The following BMPR1A variants were observed in gnomAD, a reference collection of about 807,000 sequenced individuals.
BMPR1A encodes bone morphogenetic protein receptor type-1A.
Under a neutral mutation model 66.0 loss-of-function variants are expected in BMPR1A, and 7 were observed. The observed-to-expected ratio is 0.11, with a 90% CI of 0.06 to 0.20. BMPR1A has a LOEUF of 0.20. BMPR1A is among the 10% of genes least tolerant of loss of function. The probability of loss-of-function intolerance (pLI) is 1.00; values close to 1 mark genes in which losing one functional copy is unlikely to be tolerated. For synonymous variants in BMPR1A, 200 were observed against 229.7 expected (o/e 0.87, Z 1.17); for missense variants, 408 against 669.1 (o/e 0.61, Z 4.31).
At chr10:86,815,644 CA>C (rs1842027198) in intron 1 of BMPR1A, among the ~76,000 whole-genome samples, 1 of 152,168 alleles carries the variant, frequency 6.6e-6, no homozygotes, top group African/African-American at 2.4e-5. Context: ...GAGTTCAGGC[CA>C]AACACTGGTT....
Position 86,878,928 on chromosome 10 carries a change from A to G in BMPR1A, c.67+2843A>G, listed in dbSNP as rs542816225. Among the ~76,000 whole-genome samples the G allele has an allele frequency of 7.9e-5, 12 of 152,294 alleles. No homozygotes were observed. In the South Asian group the frequency reaches 2.1e-3, roughly 26 times the overall value. On this transcript the variant is annotated intron_variant, in intron 3 of 12. Coordinates refer to ENST00000372037, the MANE Select transcript of BMPR1A (RefSeq NM_004329.3). Reference sequence around the variant, plus strand: ...GGACAATTAAAAGGATCTGGGAGAGATTTAATTTTTTCCATCAATTAGAAT... The same window carrying G: ...GGACAATTAAAAGGATCTGGGAGAGGTTTAATTTTTTCCATCAATTAGAAT...
At chr10:86,916,947 C>T (rs1215223143) in intron 8 of BMPR1A, among the ~76,000 whole-genome samples, 187 bp from the exon 9 acceptor site, 3 of 151,678 alleles carry the variant, frequency 2.0e-5, no homozygotes, top group East Asian at 3.9e-4. Context: ...GAGCCGAGAT[C>T]GCGCCACTGC....
intron 1 of BMPR1A, among the ~76,000 whole-genome samples, chr10:86,797,169 A>G (rs1355601426): frequency 2.1e-5 from 3 of 146,290 alleles, no homozygotes; most frequent in Non-Finnish European, 4.5e-5. Flanking sequence ...AGTTCAAGCA[A>G]TTCTCCTGCC....
intron 10 of BMPR1A, among the ~76,000 whole-genome samples, chr10:86,920,856 CTTT>C (rs397774280): frequency 8.2e-5 from 10 of 122,204 alleles, no homozygotes; most frequent in African/African-American, 2.2e-4. Context: ...CTTTTCTTTT[CTTT>C]TTTTTTTTTT....
intron 1 of BMPR1A, among the ~76,000 whole-genome samples, chr10:86,777,537 G>T (rs1173976262): frequency 1.3e-5 from 2 of 151,864 alleles, no homozygotes; most frequent in Non-Finnish European, 2.9e-5. Flanking sequence ...AGCTGTCATT[G>T]CACCACTGTA....
At chr10:86,905,517 G>A (rs1843372356) in intron 7 of BMPR1A, among the ~76,000 whole-genome samples, 1 of 152,112 alleles carries the variant, frequency 6.6e-6, no homozygotes, top group African/African-American at 2.4e-5. Flanking sequence ...CAACTGGCTG[G>A]CTGTTTAAAT....
rs181768349 is a variant in BMPR1A, at chr10:86,763,741, T to C, written c.-268+6822T>C. The stretch of plus-strand genomic sequence containing the variant: ...GTAAAGTATCAAAATGTTGAGAAGA[T>C]AGACTCTCAATTTTGAAGGTGAGAA... On this transcript the variant is annotated intron_variant, in intron 1 of 12. Transcript: ENST00000372037. Among the ~76,000 whole-genome samples the C allele has an allele frequency of 0.01, 1,531 of 151,988 alleles. 15 individuals carry two copies. Among genetic ancestry groups the C allele is most frequent in the Non-Finnish European group, 0.016 (1,116 of 67,992 alleles).
intron 1 of BMPR1A, among the ~76,000 whole-genome samples, chr10:86,820,023 C>T (rs1168466161): frequency 6.6e-6 from 1 of 152,066 alleles, no homozygotes; most frequent in African/African-American, 2.4e-5. Context: ...TACCTAATAC[C>T]ACATTTTTAG....
rs760739609 is a variant in BMPR1A at position 86,899,887 on chromosome 10, A to G, written c.427A>G (p.Ile143Val). The G allele has an allele frequency of 1.9e-6, 3 of 1,613,906 alleles. No homozygotes were observed. Among genetic ancestry groups the G allele is most frequent in the Non-Finnish European group, 2.5e-6 (3 of 1,179,878 alleles). The stretch of plus-strand genomic sequence containing the variant: ...GCAACCCACACTGCCCCCTGTTGTC[A>G]TAGGTAGGTTAGCCGAGAAAAGTCG... The part of the protein sequence containing the change: ...YLQPTLPPVV[I>V]GPFFDGSIRW... Residue 143 changes from isoleucine (I) to valine (V), a missense_variant, in exon 6 of 13, where the codon ATA (isoleucine) becomes GTA (valine). Ile to Val is a conservative substitution (Grantham distance 29). Transcript: ENST00000372037.
At chr10:86,794,573 A>G (rs983325931) in intron 1 of BMPR1A, among the ~76,000 whole-genome samples, 1 of 152,180 alleles carries the variant, frequency 6.6e-6, no homozygotes, top group African/African-American at 2.4e-5. Flanking sequence ...TAAAAAGTAT[A>G]TAACATTTTG....
At chr10:86,865,083 T>C (rs1022168827) in intron 2 of BMPR1A, among the ~76,000 whole-genome samples, 2 of 135,738 alleles carry the variant, frequency 1.5e-5, no homozygotes, top group African/African-American at 3.4e-5. Context: ...CGAGCCATCG[T>C]ATCCCCTGTG....
chr10:86,884,335 C>T (rs539846657), intron 3 of BMPR1A, among the ~76,000 whole-genome samples: 1 of 150,162 alleles, frequency 6.7e-6, no homozygotes, highest in African/African-American at 2.4e-5. Flanking sequence ...TCCTACCTTC[C>T]TGGACCTCCG....
At chr10:86,865,096 T>A (rs1255661523) in intron 2 of BMPR1A, among the ~76,000 whole-genome samples, 2 of 152,176 alleles carry the variant, frequency 1.3e-5, no homozygotes, top group Non-Finnish European at 1.5e-5. Context: ...CCCCTGTGAC[T>A]TGCACATATA....
intron 1 of BMPR1A, among the ~76,000 whole-genome samples, chr10:86,817,742 C>T (rs7912824): frequency 6.6e-6 from 1 of 151,922 alleles, no homozygotes; most frequent in African/African-American, 2.4e-5. Flanking sequence ...AAAGAAAAAC[C>T]CTGGACCTGA....
intron 1 of BMPR1A, among the ~76,000 whole-genome samples, chr10:86,815,360 A>G (rs1842022034): frequency 6.6e-6 from 1 of 151,836 alleles, no homozygotes; most frequent in Admixed American, 6.6e-5. Context: ...AATTTTCAGC[A>G]GTTTTTTTTC....
At chr10:86,883,821 A>C (rs1393663913) in intron 3 of BMPR1A, among the ~76,000 whole-genome samples, 1 of 151,990 alleles carries the variant, frequency 6.6e-6, no homozygotes, top group Non-Finnish European at 1.5e-5. Flanking sequence ...TACTGTGATC[A>C]TAATGCAATA....
In BMPR1A at chr10:86,926,330, G is replaced by C. The variant is rs1276080293; in HGVS notation, c.*2611G>C. 1 of 153,348 alleles carries C rather than the reference G, an allele frequency of 6.5e-6. No individual in the cohort carries two copies. Among genetic ancestry groups the C allele is most frequent in the East Asian group, 1.9e-4 (1 of 5,370 alleles). The allele number at this position is 153,348 out of a possible 1,614,324, so 9.5% of individuals were successfully genotyped here. ...AGGTCAGGAGTTCAAGACCAGCCTG[G>C]CCAACATGGTGAAACCCCATCTCTA... On this transcript the variant is annotated 3_prime_UTR_variant, in exon 13 of 13. Transcript: ENST00000372037.
intron 1 of BMPR1A, among the ~76,000 whole-genome samples, chr10:86,775,716 A>G (rs1325797300): frequency 2.0e-5 from 3 of 151,712 alleles, no homozygotes; most frequent in African/African-American, 7.3e-5. Flanking sequence ...CAATACAGAA[A>G]ACTGCTTTCC....
chr10:86,822,295 T>TAA (rs1242616046), intron 1 of BMPR1A, among the ~76,000 whole-genome samples: 1 of 152,198 alleles, frequency 6.6e-6, no homozygotes, highest in Admixed American at 6.5e-5. Flanking sequence ...TGTGTATGAG[T>TAA]AAAACCCCAA....
Sources: allele counts gnomAD v4.1 joint callset (sites outside exome capture counted in the v4.1 genomes callset), GRCh38; gene constraint gnomAD v4.1.1; transcripts MANE v1.5; gene names NCBI Gene and HGNC (gene_info 2026-07-23, HGNC 2026-07-21).